Variants in EYS observed in about 807,000 individuals in gnomAD.
The protein encoded by EYS is EGF-like photoreceptor maintenance factor, also known as protein eyes shut homolog.
In EYS, 250 loss-of-function variants were observed where a neutral mutation model predicts 282.1. The observed-to-expected ratio is 0.89, with a 90% CI of 0.80 to 0.98. EYS has a LOEUF of 0.98. EYS is among the 50% of genes least tolerant of loss of function. The pLI is 0.00. For missense variants in EYS, 4,016 were observed against 3,709.0 expected (o/e 1.08, Z -2.15); for synonymous variants, 1,355 against 1,282.9 (o/e 1.06, Z -1.20).
chr6:64,987,435 C>T (rs979356311), intron 14 of EYS, among the ~76,000 whole-genome samples: 14 of 151,476 alleles, frequency 9.2e-5, no homozygotes, highest in Admixed American at 7.9e-4. Context: ...ATCCCCAAAG[C>T]GGGAATACCA....
chr6:64,221,162 T>G (rs2150333235), intron 31 of EYS, among the ~76,000 whole-genome samples: 1 of 152,286 alleles, frequency 6.6e-6, no homozygotes, highest in African/African-American at 2.4e-5. Context: ...TAGCTGTTAT[T>G]ATCTATTGCT....
At chr6:64,511,415 T>C (rs1438647594) in intron 26 of EYS, among the ~76,000 whole-genome samples, 2 of 151,902 alleles carry the variant, frequency 1.3e-5, no homozygotes, top group Non-Finnish European at 2.9e-5. Flanking sequence ...CGCAAGATGA[T>C]TTAGGACAAA....
chr6:65,150,034 C>T (rs1764573929), intron 12 of EYS, among the ~76,000 whole-genome samples: 2 of 151,970 alleles, frequency 1.3e-5, no homozygotes. Context: ...GGAGAACTCA[C>T]TATCATGAGA....
chr6:65,656,483 A>C (rs1582569842), intron 1 of EYS, among the ~76,000 whole-genome samples: 1 of 151,948 alleles, frequency 6.6e-6, no homozygotes, highest in East Asian at 1.9e-4. Context: ...TCTGGATAAA[A>C]GATAAAACCA....
intron 14 of EYS, among the ~76,000 whole-genome samples, chr6:64,975,209 C>T (rs560817988): frequency 6.6e-6 from 1 of 151,854 alleles, no homozygotes; most frequent in African/African-American, 2.4e-5. Context: ...AACTGCACCA[C>T]TTATTGAATA....
intron 1 of EYS, among the ~76,000 whole-genome samples, chr6:65,686,570 C>G (rs1483340239): frequency 6.6e-6 from 1 of 152,036 alleles, no homozygotes; most frequent in African/African-American, 2.4e-5. Flanking sequence ...TATGCTCACA[C>G]ATAAATGGGG....
intron 5 of EYS, among the ~76,000 whole-genome samples, chr6:65,481,902 A>C (rs1765620922): frequency 6.6e-6 from 1 of 152,244 alleles, no homozygotes; most frequent in South Asian, 2.1e-4. Context: ...AGGGTGGAGA[A>C]CACTTGGAAA....
At position 63,789,062 on chromosome 6, in the gene EYS, A is replaced by T; in HGVS notation, c.7574T>A (p.Leu2525Gln). The T allele has an allele frequency of 6.4e-7, 1 of 1,551,466 alleles. No homozygotes were observed. The highest frequency in any genetic ancestry group is 8.7e-7 in the Non-Finnish European group (1 of 1,146,804). ...HLGKFFQEGWLKVDDHKNKSI... is the reference protein window; with the variant it reads ...HLGKFFQEGWQKVDDHKNKSI... ...GACGAAGGAATGACTCTTTACCTTC[A>T]GCCAGCCCTCTTGGAAGAACTTGCC... The change falls in exon 38 of 43, where the codon CTG (leucine) becomes CAG (glutamine). Residue 2525 changes from leucine (L) to glutamine (Q), a missense_variant. Coordinates refer to ENST00000503581, the MANE Select transcript of EYS (RefSeq NM_001142800.2).
At chr6:65,544,044 C>G (rs975456261) in intron 2 of EYS, among the ~76,000 whole-genome samples, 3 of 106,644 alleles carry the variant, frequency 2.8e-5, no homozygotes, top group Admixed American at 9.4e-5. Context: ...GAGAGAGAGA[C>G]AAAGACAGAG....
At chr6:64,291,964 T>C (rs776573799) in intron 30 of EYS, among the ~76,000 whole-genome samples, 28 of 152,174 alleles carry the variant, frequency 1.8e-4, no homozygotes, top group Non-Finnish European at 3.8e-4. Flanking sequence ...GCATGGCTTA[T>C]ACACAATATC....
intron 35 of EYS, among the ~76,000 whole-genome samples, chr6:63,908,162 T>G (rs1224224036): frequency 6.6e-6 from 1 of 151,368 alleles, no homozygotes; most frequent in Middle Eastern, 3.2e-3. Context: ...TGGATAGTGC[T>G]GTGATAAACA....
chr6:64,955,948 ATTC>A (rs1193520231), intron 14 of EYS, among the ~76,000 whole-genome samples: 2 of 152,192 alleles, frequency 1.3e-5, no homozygotes, highest in African/African-American at 4.8e-5. Context: ...CACATGCCTT[ATTC>A]TTCTTTGTCC....
At chr6:64,431,930 C>A (rs1774587088) in intron 28 of EYS, among the ~76,000 whole-genome samples, 1 of 152,116 alleles carries the variant, frequency 6.6e-6, no homozygotes, top group Non-Finnish European at 1.5e-5. Context: ...TTCATTGGTA[C>A]ATGTCAGTCT....
At chr6:64,745,244 T>C (rs1003595738) in intron 22 of EYS, among the ~76,000 whole-genome samples, 2 of 152,142 alleles carry the variant, frequency 1.3e-5, no homozygotes, top group Admixed American at 6.5e-5. Context: ...TAAAAATACA[T>C]GTTATTAATA....
chr6:63,820,344 G>A (rs1287333462), intron 36 of EYS, among the ~76,000 whole-genome samples: 1 of 152,068 alleles, frequency 6.6e-6, no homozygotes, highest in African/African-American at 2.4e-5. Flanking sequence ...ATACTAAAGA[G>A]CTCTTTGAAT....
At chr6:65,163,348 T>A (rs57375384) in intron 12 of EYS, among the ~76,000 whole-genome samples, 3,133 of 151,324 alleles carry the variant, frequency 0.021, 110 homozygotes, top group African/African-American at 0.072. Flanking sequence ...AAAATAGAGC[T>A]GAATTACCAT....
intron 31 of EYS, among the ~76,000 whole-genome samples, chr6:64,225,332 C>A (rs1281220996): frequency 6.6e-6 from 1 of 151,950 alleles, no homozygotes; most frequent in Non-Finnish European, 1.5e-5. Flanking sequence ...TTCCTGGAAA[C>A]TGTGCCTATT....
At chr6:65,559,395 A>G (rs900899450) in intron 2 of EYS, among the ~76,000 whole-genome samples, 1 of 152,052 alleles carries the variant, frequency 6.6e-6, no homozygotes, top group African/African-American at 2.4e-5. Flanking sequence ...AGAAAAAAAG[A>G]AAAGAAAGAA....
At chr6:64,303,974 A>C (rs1769339179) in intron 30 of EYS, among the ~76,000 whole-genome samples, 1 of 152,188 alleles carries the variant, frequency 6.6e-6, no homozygotes, top group South Asian at 2.1e-4. Flanking sequence ...TTGTTTACCC[A>C]TGTGGTCCTA....
Sources: gnomAD v4.1 joint callset for allele counts (sites outside exome capture counted in the v4.1 genomes callset) on GRCh38, gnomAD v4.1.1 for gene constraint, MANE v1.5 for transcripts, NCBI Gene and HGNC (gene_info 2026-07-23, HGNC 2026-07-21) for gene names.